The following PDZRN4 variants were observed in gnomAD, a reference collection of about 807,000 sequenced individuals.
PDZRN4 encodes PDZ domain containing ring finger 4, also known as PDZ domain-containing RING finger protein 4.
In PDZRN4, 70 loss-of-function variants were observed where a neutral mutation model predicts 99.0. The ratio of observed to expected loss-of-function variants is 0.71; its 90% CI spans 0.58 to 0.86. The LOEUF (loss-of-function observed/expected upper bound fraction) is 0.86, where lower values mean the gene tolerates loss of function less well. PDZRN4 is among the 40% of genes least tolerant of loss of function. PDZRN4 has a pLI of 0.00. For missense variants in PDZRN4, 1,474 were observed against 1,331.2 expected, an observed-to-expected ratio of 1.11 and a Z score of -1.67; for synonymous variants, 551 against 501.6, an observed-to-expected ratio of 1.10 and a Z score of -1.32.
rs1162461059 is a variant in PDZRN4 at position 41,188,756 on chromosome 12, G to A, written c.301G>A (p.Val101Ile). 6.8e-7 allele frequency: 1 copy of A among 1,469,912 alleles called. No individual in the cohort carries two copies. The highest frequency in any genetic ancestry group is 8.9e-7 in the Non-Finnish European group (1 of 1,119,096). The allele number at this position is 1,469,912 out of a possible 1,614,324, so 91.1% of individuals were successfully genotyped here. The change falls in exon 1 of 10, where the codon GTC (valine) becomes ATC (isoleucine). Residue 101 changes from valine (V) to isoleucine (I), a missense_variant. Physicochemically the swap from Val to Ile is conservative, Grantham distance 29 (BLOSUM62 3). Coordinates refer to ENST00000402685, the MANE Select transcript of PDZRN4 (RefSeq NM_001164595.2). ...SVRLHELEAH[V>I]EHCDFGPARR... The stretch of plus-strand genomic sequence containing the variant: ...CAGGCTGCACGAGCTGGAGGCGCAC[G>A]TCGAGCACTGCGACTTCGGCCCTGC...
intron 3 of PDZRN4, among the ~76,000 whole-genome samples, chr12:41,408,453 G>C (rs1396346505): frequency 6.6e-6 from 1 of 152,190 alleles, no homozygotes; most frequent in African/African-American, 2.4e-5. Context: ...AAGTGGAAGT[G>C]TGGGGGAGCT....
At chr12:41,216,979 C>T (rs1314335888) in intron 3 of PDZRN4, among the ~76,000 whole-genome samples, 1 of 152,178 alleles carries the variant, frequency 6.6e-6, no homozygotes, top group South Asian at 2.1e-4. Flanking sequence ...ATGAAGAAAT[C>T]AACTCCCCAA....
intron 3 of PDZRN4, among the ~76,000 whole-genome samples, chr12:41,347,700 T>C (rs1048672122): frequency 6.6e-6 from 1 of 152,174 alleles, no homozygotes; most frequent in African/African-American, 2.4e-5. Context: ...AGGTGTCATA[T>C]CTAAGAAAGC....
At chr12:41,226,974 A>G (rs1161058120) in intron 3 of PDZRN4, among the ~76,000 whole-genome samples, 1 of 152,152 alleles carries the variant, frequency 6.6e-6, no homozygotes, top group Non-Finnish European at 1.5e-5. Flanking sequence ...GCCTGTTTGT[A>G]TCATGCAGTT....
chr12:41,359,655 G>T (rs1286118464), intron 3 of PDZRN4, among the ~76,000 whole-genome samples: 1 of 151,800 alleles, frequency 6.6e-6, no homozygotes, highest in Non-Finnish European at 1.5e-5. Flanking sequence ...CTCTCTTTTT[G>T]CCTGTCTCCA....
chr12:41,251,301 T>C (rs537935195), intron 3 of PDZRN4, among the ~76,000 whole-genome samples: 1 of 152,282 alleles, frequency 6.6e-6, no homozygotes, highest in Non-Finnish European at 1.5e-5. Context: ...ATGAATTATT[T>C]TCCTCAAAAA....
intron 5 of PDZRN4, among the ~76,000 whole-genome samples, chr12:41,517,412 A>G (rs1304286184): frequency 6.6e-6 from 1 of 152,112 alleles, no homozygotes; most frequent in African/African-American, 2.4e-5. Context: ...TTTAAGGTGC[A>G]TATTTGCATA....
chr12:41,341,896 A>T (rs1352096066), intron 3 of PDZRN4, among the ~76,000 whole-genome samples: 1 of 151,980 alleles, frequency 6.6e-6, no homozygotes, highest in Non-Finnish European at 1.5e-5. Flanking sequence ...AGCCAAAGCA[A>T]TCCTAAGCAA....
At chr12:41,484,752 C>T (rs1324614596) in intron 3 of PDZRN4, among the ~76,000 whole-genome samples, 3 of 152,140 alleles carry the variant, frequency 2.0e-5, no homozygotes, top group South Asian at 2.1e-4. Context: ...TTACGTAACC[C>T]TTATGATTCT....
At position 41,208,355 on chromosome 12, in the gene PDZRN4, T is replaced by A. The variant is rs900221494; in HGVS notation, c.843+14167T>A. Among the ~76,000 whole-genome samples the A allele has an allele frequency of 3.3e-5, 5 of 151,972 alleles. No individual in the cohort carries two copies. The East Asian group carries it at 9.7e-4, about 29-fold the overall frequency. The stretch of plus-strand genomic sequence containing the variant: ...TCCCAAAGTTTAATATTTCAGGTGG[T>A]TTTCTATATGAAATGTTTTCACTAA... On this transcript the variant is annotated intron_variant, in intron 3 of 9. Coordinates refer to ENST00000402685, the MANE Select transcript of PDZRN4 (RefSeq NM_001164595.2).
chr12:41,375,091 C>T (rs145634480), intron 3 of PDZRN4, among the ~76,000 whole-genome samples: 15 of 152,138 alleles, frequency 9.9e-5, no homozygotes, highest in African/African-American at 3.4e-4. Context: ...TGATAGGAGC[C>T]GAGGCTGTAA....
intron 3 of PDZRN4, among the ~76,000 whole-genome samples, chr12:41,220,079 T>A (rs554168570): frequency 5.7e-4 from 87 of 152,140 alleles, no homozygotes; most frequent in African/African-American, 2.0e-3. Flanking sequence ...TATGAAGATT[T>A]TTATGTTGGT....
intron 3 of PDZRN4, among the ~76,000 whole-genome samples, chr12:41,347,864 T>C (rs1261147268): frequency 1.3e-5 from 2 of 152,166 alleles, no homozygotes; most frequent in African/African-American, 4.8e-5. Flanking sequence ...TGGTCAGATA[T>C]ATTAGTTAAG....
intron 7 of PDZRN4, among the ~76,000 whole-genome samples, chr12:41,558,277 A>G (rs1429908495): frequency 6.6e-6 from 1 of 152,186 alleles, no homozygotes; most frequent in African/African-American, 2.4e-5. Context: ...AAAGTCTGGA[A>G]GATCTGTGCC....
chr12:41,442,266 G>T (rs767453783), intron 3 of PDZRN4, among the ~76,000 whole-genome samples: 18 of 152,016 alleles, frequency 1.2e-4, no homozygotes, highest in Non-Finnish European at 1.8e-4. Flanking sequence ...TTCAGCCTCT[G>T]TGGAATACAC....
chr12:41,344,568 C>T (rs1178252455), intron 3 of PDZRN4, among the ~76,000 whole-genome samples: 1 of 151,156 alleles, frequency 6.6e-6, no homozygotes, highest in Non-Finnish European at 1.5e-5. Flanking sequence ...AAACAACTTT[C>T]TTGCTTAGGC....
intron 3 of PDZRN4, among the ~76,000 whole-genome samples, chr12:41,232,888 T>C (rs1373911168): frequency 6.6e-6 from 1 of 152,190 alleles, no homozygotes; most frequent in Non-Finnish European, 1.5e-5. Flanking sequence ...TTTCTACATA[T>C]GGCTAGCCAA....
At chr12:41,447,523 G>T (rs998073719) in intron 3 of PDZRN4, among the ~76,000 whole-genome samples, 1 of 152,066 alleles carries the variant, frequency 6.6e-6, no homozygotes, top group East Asian at 1.9e-4. Flanking sequence ...TGATAAGTCT[G>T]AACCTGTAAG....
intron 5 of PDZRN4, among the ~76,000 whole-genome samples, chr12:41,533,487 T>A (rs1013138352): frequency 6.6e-6 from 1 of 152,226 alleles, no homozygotes; most frequent in Non-Finnish European, 1.5e-5. Context: ...TTTAACTTTT[T>A]AAAAAATTTA....
Sources: gnomAD v4.1 joint callset for allele counts (sites outside exome capture counted in the v4.1 genomes callset) on GRCh38, gnomAD v4.1.1 for gene constraint, MANE v1.5 for transcripts, NCBI Gene and HGNC (gene_info 2026-07-23, HGNC 2026-07-21) for gene names.